PTPRS: variants seen among roughly 807,000 people sequenced by gnomAD.
PTPRS encodes the protein receptor-type tyrosine-protein phosphatase S.
In PTPRS, 63 loss-of-function variants were observed where a neutral mutation model predicts 215.3. The ratio of observed to expected loss-of-function variants is 0.29; its 90% CI spans 0.24 to 0.36. The LOEUF is 0.36. Among genes scored for constraint, PTPRS ranks in the 10% least tolerant of loss-of-function variants. The pLI is 1.00. For synonymous variants in PTPRS, 1,404 were observed against 1,191.4 expected (o/e 1.18, Z -3.68); for missense variants, 2,258 against 2,825.8 (o/e 0.80, Z 4.56).
At chr19:5,246,689 C>G (rs1188909231) in intron 9 of PTPRS, among the ~76,000 whole-genome samples, 3 of 152,180 alleles carry the variant, frequency 2.0e-5, no homozygotes, top group African/African-American at 7.2e-5. Flanking sequence ...GATGTCAGTC[C>G]CCCACTCCCC....
intron 9 of PTPRS, among the ~76,000 whole-genome samples, chr19:5,249,640 TGACCCACTGG>T (rs1285595587): frequency 6.6e-6 from 1 of 152,258 alleles, no homozygotes; most frequent in African/African-American, 2.4e-5. Flanking sequence ...TTGTGTGTCC[TGACCCACTGG>T]GGACACCAAA....
Position 5,215,354 on chromosome 19 carries a change from G to T in PTPRS, c.4253C>A (p.Pro1418Gln). The change falls in exon 28 of 38, where the codon CCG becomes CAG. Residue 1418 changes from proline (P) to glutamine (Q), a missense_variant. Transcript: ENST00000262963. ...WEHSNLEVNK[P>Q]KNRYANVIAY... ...GATGACGTTGGCATAGCGGTTCTTCGGCTTGTTCACTTCCAGGTTGGAATG... is the reference window on the plus strand; with the variant it reads ...GATGACGTTGGCATAGCGGTTCTTCTGCTTGTTCACTTCCAGGTTGGAATG... The T allele has an allele frequency of 6.2e-7, 1 of 1,614,104 alleles. No individual in the cohort carries two copies. The highest frequency in any genetic ancestry group is 1.6e-4 in the Middle Eastern group (1 of 6,062).
rs374010379 is a variant in PTPRS, at chr19:5,215,682, C to G, written c.4097-87G>C. The G allele has an allele frequency of 2.8e-5, 26 of 940,880 alleles. No homozygotes were observed. In the African/African-American group the frequency reaches 4.1e-4, roughly 15 times the overall value. 58.3% of individuals were successfully genotyped at this position (940,880 alleles called of 1,614,324 possible). ...GGAGGGGGGTGATCTACGTGTGAGTCTGCGATGGGTGAGCTGTGGTTAGAA... is the reference window on the plus strand; with the variant it reads ...GGAGGGGGGTGATCTACGTGTGAGTGTGCGATGGGTGAGCTGTGGTTAGAA... On this transcript the variant is annotated intron_variant, in intron 26 of 37. Transcript: ENST00000262963.
At chr19:5,323,122 C>T (rs1324046610) in intron 1 of PTPRS, among the ~76,000 whole-genome samples, 3 of 151,678 alleles carry the variant, frequency 2.0e-5, no homozygotes, top group Admixed American at 1.3e-4. Flanking sequence ...TTTGGGAGGC[C>T]GAGGAGGGCA....
intron 9 of PTPRS, among the ~76,000 whole-genome samples, chr19:5,247,218 A>G (rs914509787): frequency 2.0e-5 from 3 of 149,448 alleles, no homozygotes; most frequent in Non-Finnish European, 3.0e-5. Context: ...AATAATAATA[A>G]TTAATAATAA....
intron 1 of PTPRS, among the ~76,000 whole-genome samples, chr19:5,324,244 A>AG (rs1475180831): frequency 6.7e-6 from 1 of 150,186 alleles, no homozygotes; most frequent in African/African-American, 2.4e-5. Context: ...AAAAAAAAAA[A>AG]AAAAAAAGAA....
Position 5,206,686 on chromosome 19 carries a change from C to T in PTPRS, c.*88G>A. 1.1e-5 allele frequency: 13 copies of T among 1,178,912 alleles called. No individual in the cohort carries two copies. In the South Asian group the frequency reaches 1.6e-4, roughly 15 times the overall value. 73.0% of individuals were successfully genotyped at this position (1,178,912 alleles called of 1,614,324 possible). On this transcript the variant is annotated 3_prime_UTR_variant, in exon 38 of 38. Coordinates refer to ENST00000262963, the MANE Select transcript of PTPRS (RefSeq NM_002850.4). ...TGCCGCTGCCACCTCCTGCCCTGCC[C>T]ACTGGGGGTCCAGGCCTCAGGAGGT... is the stretch of plus-strand genomic sequence containing the variant.
chr19:5,308,404 G>A (rs778192846), intron 1 of PTPRS, among the ~76,000 whole-genome samples: 2 of 152,208 alleles, frequency 1.3e-5, no homozygotes, highest in East Asian at 3.8e-4. Flanking sequence ...AGGATTGTCT[G>A]CATCAGTCAC....
In PTPRS at chr19:5,214,429, T is replaced by C. The variant is rs540902322; in HGVS notation, c.4546A>G (p.Ile1516Val). The C allele has an allele frequency of 1.1e-5, 18 of 1,614,184 alleles. 1 individual carries two copies. In the South Asian group the frequency reaches 1.2e-4, roughly 11 times the overall value. Reference protein sequence around the residue: ...PNRGTETYGFIQVTLLDTIEL... With the variant: ...PNRGTETYGFVQVTLLDTIEL... The stretch of plus-strand genomic sequence containing the variant: ...ATGGTATCTAGCAACGTGACCTGGA[T>C]GAAGCCGTAGGTCTCCGTGCCTCTG... The change falls in exon 30 of 38, where the codon ATC becomes GTC. Residue 1516 changes from isoleucine (I) to valine (V), a missense_variant. Coordinates refer to ENST00000262963, the MANE Select transcript of PTPRS (RefSeq NM_002850.4).
At position 5,257,140 on chromosome 19, in the gene PTPRS, C is replaced by T. The variant is rs77002056; in HGVS notation, c.706+877G>A. Among the ~76,000 whole-genome samples, 9,400 of 149,192 alleles carry T rather than the reference C, an allele frequency of 0.063. 444 individuals carry two copies. The highest frequency in any genetic ancestry group is 0.094 in the Non-Finnish European group (6,330 of 67,172). ...TTCTGAAAAGACCCAAGAGCCAACACACGAGATAAGAGGAGGCCAACGGAG... is the reference window on the plus strand; with the variant it reads ...TTCTGAAAAGACCCAAGAGCCAACATACGAGATAAGAGGAGGCCAACGGAG... On this transcript the variant is annotated intron_variant, in intron 8 of 37. Coordinates refer to ENST00000262963, the MANE Select transcript of PTPRS (RefSeq NM_002850.4). The surrounding 1 kb of genome is among the most constrained non-coding windows in gnomAD (Gnocchi z 4.4).
rs1365387044 is a variant in PTPRS, at chr19:5,339,835, T to C, written c.-95+829A>G. 6.6e-6 allele frequency among the ~76,000 whole-genome samples: 1 copy of C among 151,156 alleles called. No individual in the cohort carries two copies. Among genetic ancestry groups the C allele is most frequent in the Middle Eastern group, 3.2e-3 (1 of 310 alleles). ...GCGGTTCCAGGGGCGGCTTCCCCACTCTCGGGATCCCCACGGGGCCCCCAG... is the reference window on the plus strand; with the variant it reads ...GCGGTTCCAGGGGCGGCTTCCCCACCCTCGGGATCCCCACGGGGCCCCCAG... On this transcript the variant is annotated intron_variant, in intron 1 of 37. Coordinates refer to ENST00000262963, the MANE Select transcript of PTPRS (RefSeq NM_002850.4). The surrounding 1 kb of genome is among the most constrained non-coding windows in gnomAD (Gnocchi z 4.2).
Position 5,214,732 on chromosome 19 carries a change from G to A in PTPRS, c.4323C>T (p.Ile1441=), listed in dbSNP as rs777446330. 7 of 1,597,772 alleles carry A rather than the reference G, an allele frequency of 4.4e-6. No homozygotes were observed. In the East Asian group the frequency reaches 9.0e-5, roughly 21 times the overall value. The change falls in exon 29 of 38, where the codon ATC becomes ATT. Residue 1441 remains isoleucine (I), a synonymous_variant. Coordinates refer to ENST00000262963, the MANE Select transcript of PTPRS (RefSeq NM_002850.4). ...SRVILQPIEG[I]MGSDYINANY... ...TGGCATTGATGTAATCACTGCCCAT[G>A]ATGCCTGCAGCCAGGGCGAGAGGCC...
At chr19:5,322,321 T>C (rs1176811085) in intron 1 of PTPRS, among the ~76,000 whole-genome samples, 3 of 152,190 alleles carry the variant, frequency 2.0e-5, no homozygotes, top group Non-Finnish European at 2.9e-5. Context: ...AGCTATATTT[T>C]TAAAAACCCC....
chr19:5,302,366 AAACAAC>A (rs1368732172), intron 1 of PTPRS, among the ~76,000 whole-genome samples: 1 of 152,114 alleles, frequency 6.6e-6, no homozygotes, highest in Non-Finnish European at 1.5e-5. Context: ...CCCTGTCTAG[AAACAAC>A]AACTTTCATG....
Position 5,223,110 on chromosome 19 carries a change from G to C in PTPRS, c.2682C>G (p.Gly894=), listed in dbSNP as rs1368414497. The C allele has an allele frequency of 6.4e-7, 1 of 1,567,218 alleles. No individual in the cohort carries two copies. Among genetic ancestry groups the C allele is most frequent in the African/African-American group, 1.4e-5 (1 of 73,546 alleles). Residue 894 remains glycine, a synonymous_variant, in exon 18 of 38, where the codon GGC becomes GGG. Transcript: ENST00000262963. ...PPSEDRYTAS[G]VHKGATYVFR... ...ACACATACGTGGCCCCCTTGTGCAC[G>C]CCTGATGCCGTGTAGCGGTCCTCGG...
chr19:5,329,284 C>T (rs1185786439), intron 1 of PTPRS, among the ~76,000 whole-genome samples: 2 of 151,806 alleles, frequency 1.3e-5, no homozygotes, highest in African/African-American at 4.8e-5. Flanking sequence ...TCTGAGGGTG[C>T]CATCCAGAGA....
In PTPRS at chr19:5,205,772, A is replaced by G. The variant is rs1413828036; in HGVS notation, c.*1002T>C. Among the ~76,000 whole-genome samples, 1 of 152,056 alleles carries G rather than the reference A, an allele frequency of 6.6e-6. No homozygotes were observed. The highest frequency in any genetic ancestry group is 1.5e-5 in the Non-Finnish European group (1 of 68,014). ...GCCATACAGCCACTGTCCCCGAAGA[A>G]GTAGGATCCTCTCTGTCTCCTTGGG... On this transcript the variant is annotated 3_prime_UTR_variant, in exon 38 of 38. Transcript: ENST00000262963.
intron 1 of PTPRS, among the ~76,000 whole-genome samples, chr19:5,291,439 G>A (rs773032490): frequency 2.6e-5 from 4 of 152,100 alleles, no homozygotes; most frequent in Admixed American, 6.5e-5. Flanking sequence ...AAAATTGCCC[G>A]TCAGTGTGTC....
rs372226485 is a variant in PTPRS at position 5,212,370 on chromosome 19, G to A, written c.4736C>T (p.Pro1579Leu). 97 of 1,610,122 alleles carry A rather than the reference G, an allele frequency of 6.0e-5. No homozygotes were observed. The highest frequency in any genetic ancestry group is 1.8e-4 in the East Asian group (8 of 44,688). ...AACCACGATGGGGCCGGCATCTGGCGGGTTGCAGGTCTTGACTCTCCGCAG... is the reference window on the plus strand; with the variant it reads ...AACCACGATGGGGCCGGCATCTGGCAGGTTGCAGGTCTTGACTCTCCGCAG... ...AFLRRVKTCN[P>L]PDAGPIVVHC... is the part of the protein sequence containing the mutation. The change falls in exon 31 of 38, where the codon CCG (proline) becomes CTG (leucine). Residue 1579 changes from proline to leucine, a missense_variant. By Grantham distance (98) the Pro-to-Leu change is moderately conservative (BLOSUM62 -3). Coordinates refer to ENST00000262963, the MANE Select transcript of PTPRS (RefSeq NM_002850.4).
Sources: gnomAD v4.1 joint callset for allele counts (sites outside exome capture counted in the v4.1 genomes callset) on GRCh38, gnomAD v4.1.1 for gene constraint, Gnocchi (gnomAD v3.1) non-coding constraint, MANE v1.5 for transcripts, NCBI Gene and HGNC (gene_info 2026-07-23, HGNC 2026-07-21) for gene names.